The following DMD variants were observed in gnomAD, a reference collection of about 807,000 sequenced individuals.
The protein encoded by DMD is dystrophin, also known as mutant dystrophin.
Under a neutral mutation model 330.1 loss-of-function variants are expected in DMD, and 63 were observed. That is an observed-to-expected ratio of 0.19 (90% confidence interval 0.16 to 0.24). The LOEUF is 0.24. Ranked by LOEUF, DMD falls within the 10% of genes least tolerant of loss-of-function variation. The pLI, the probability that DMD is intolerant of heterozygous loss-of-function variation, is 1.00. For missense variants in DMD, 3,344 were observed against 2,684.1 expected, an observed-to-expected ratio of 1.25 and a Z score of -5.43; for synonymous variants, 1,223 against 959.8, an observed-to-expected ratio of 1.27 and a Z score of -5.07.
At chrX:31,740,610 T>C (rs1285712983) in intron 51 of DMD, among the ~76,000 whole-genome samples, 1 of 112,249 alleles carries the variant, frequency 8.9e-6, no homozygotes, top group Admixed American at 9.4e-5. Flanking sequence ...AATAGCATTG[T>C]ATCTAAAAAA....
At chrX:33,175,426 C>A (rs1001690077) in intron 1 of DMD, among the ~76,000 whole-genome samples, 4 of 112,149 alleles carry the variant, frequency 3.6e-5, no homozygotes, top group Non-Finnish European at 7.5e-5. Context: ...TATATTATGC[C>A]CAAGGCACTT....
At chrX:31,593,097 GGGA>G (rs1369136584) in intron 55 of DMD, among the ~76,000 whole-genome samples, 2 of 111,042 alleles carry the variant, frequency 1.8e-5, no homozygotes, top group Non-Finnish European at 3.8e-5. Context: ...GAAGTTATAA[GGGA>G]TCATATTTCT....
At chrX:31,772,136 G>A (rs1051240103) in intron 51 of DMD, among the ~76,000 whole-genome samples, 1 of 112,288 alleles carries the variant, frequency 8.9e-6, no homozygotes, top group Non-Finnish European at 1.9e-5. Context: ...AGAGTTCGTG[G>A]TGGAACCAAA....
At chrX:31,438,016 G>A (rs2064665719) in intron 60 of DMD, among the ~76,000 whole-genome samples, 2 of 110,318 alleles carry the variant, frequency 1.8e-5, no homozygotes, top group African/African-American at 6.6e-5. Flanking sequence ...TAGACCATGT[G>A]ATTTGAAATA....
rs375059694 is a variant in DMD, at chrX:31,483,040, CTTTTTTTTTT to C, written c.8548-3947_8548-3938del. The stretch of plus-strand genomic sequence containing the variant: ...AGGTCTGTAAAATAAGGAAATGGAT[CTTTTTTTTTT>C]TTTTTTTTTTTTTTGAGATGGAGTC... On this transcript the variant is annotated intron_variant, in intron 57 of 78. Coordinates refer to ENST00000357033, the MANE Select transcript of DMD (RefSeq NM_004006.3). 4.2e-5 allele frequency among the ~76,000 whole-genome samples: 3 copies of C among 70,764 alleles called. No individual in the cohort carries two copies. In the South Asian group the frequency reaches 2.4e-3, roughly 57 times the overall value. 61.5% of individuals were successfully genotyped at this position (70,764 alleles called of 115,157 possible). A position where few individuals can be genotyped will look rare whatever the true frequency, so the allele number is the denominator to read the frequency against.
chrX:32,202,572 G>A (rs545616041), intron 44 of DMD, among the ~76,000 whole-genome samples: 12 of 111,754 alleles, frequency 1.1e-4, no homozygotes, highest in African/African-American at 3.9e-4. Context: ...GGATGGTCTC[G>A]ATTTCTTGAC....
At chrX:31,148,482 C>T (rs752205445) in intron 74 of DMD, among the ~76,000 whole-genome samples, 1 of 112,258 alleles carries the variant, frequency 8.9e-6, no homozygotes, top group East Asian at 2.8e-4. Context: ...TCCAACTTTT[C>T]ACTATTATAA....
At chrX:31,890,274 C>T (rs905980000) in intron 47 of DMD, among the ~76,000 whole-genome samples, 2 of 103,703 alleles carry the variant, frequency 1.9e-5, no homozygotes, top group Non-Finnish European at 3.9e-5. Flanking sequence ...TTTGGGAGGC[C>T]GAGGAAGGAG....
At chrX:32,722,406 A>G (rs1384052135) in intron 7 of DMD, among the ~76,000 whole-genome samples, 1 of 110,739 alleles carries the variant, frequency 9.0e-6, no homozygotes, top group Non-Finnish European at 1.9e-5. Flanking sequence ...TTTAAAGTAT[A>G]TAGGGGGGTG....
intron 62 of DMD, among the ~76,000 whole-genome samples, chrX:31,270,985 G>A (rs1337587889): frequency 9.0e-6 from 1 of 111,657 alleles, no homozygotes; most frequent in Non-Finnish European, 1.9e-5. Context: ...GCCGCCCTTT[G>A]GAATCACTCA....
intron 51 of DMD, among the ~76,000 whole-genome samples, chrX:31,748,978 C>G (rs2088120623): frequency 1.8e-5 from 2 of 111,230 alleles, no homozygotes; most frequent in African/African-American, 6.5e-5. Context: ...TTATAGTCAT[C>G]ATTTAATCCC....
chrX:31,293,203 T>TTGTGTGTG (rs2053867207), intron 62 of DMD, among the ~76,000 whole-genome samples: 1 of 45,883 alleles, frequency 2.2e-5, no homozygotes, highest in African/African-American at 1.5e-4. Context: ...TAGTCTGGTT[T>TTGTGTGTG]AGTGTGTGTG....
intron 44 of DMD, among the ~76,000 whole-genome samples, chrX:32,202,690 C>T (rs2097046569): frequency 8.9e-6 from 1 of 112,069 alleles, no homozygotes; most frequent in Non-Finnish European, 1.9e-5. Flanking sequence ...ACAACACCTT[C>T]AGATGGATGC....
At chrX:32,296,340 G>A (rs1334296277) in intron 42 of DMD, among the ~76,000 whole-genome samples, 3 of 111,188 alleles carry the variant, frequency 2.7e-5, no homozygotes, top group South Asian at 3.9e-4. Flanking sequence ...GCAGTGAGCC[G>A]AGACTGTGCC....
intron 64 of DMD, among the ~76,000 whole-genome samples, chrX:31,221,782 G>A (rs781309761): frequency 5.3e-5 from 6 of 112,870 alleles, no homozygotes; most frequent in East Asian, 2.8e-4. Flanking sequence ...TGGGCCGGGC[G>A]CATTGGCTCA....
rs1255750369 is a variant in DMD, at chrX:31,371,057, GCCAATA to G, written c.9085-22429_9085-22424del. 4.4e-3 allele frequency among the ~76,000 whole-genome samples: 492 copies of G among 111,550 alleles called. 3 individuals are homozygous for G. The highest frequency in any genetic ancestry group is 7.2e-3 in the Non-Finnish European group (380 of 53,076). On this transcript the variant is annotated intron_variant, in intron 60 of 78. Coordinates refer to ENST00000357033, the MANE Select transcript of DMD (RefSeq NM_004006.3). ...AGGGAAGTGGGTGTGGCTATAAAAG[GCCAATA>G]GGAGGGATCTTTGTAGTGATGAAAA...
In DMD at chrX:31,658,055, A is replaced by G. The variant is rs374433647; in HGVS notation, c.7962T>C (p.Asp2654=). The G allele has an allele frequency of 4.1e-6, 5 of 1,211,011 alleles. No individual in the cohort carries two copies. In the East Asian group the frequency reaches 1.5e-4, roughly 36 times the overall value. ...TTATCATGTGGACTTTTCTGGTATC[A>G]TCTGCAGAATAATCCCGGAGAAGTT... is the stretch of plus-strand genomic sequence containing the variant. ...ALKLLRDYSA[D]DTRKVHMITE... The change falls in exon 54 of 79, where the codon GAT becomes GAC. Residue 2654 remains aspartate, a synonymous_variant. Coordinates refer to ENST00000357033, the MANE Select transcript of DMD (RefSeq NM_004006.3).
At chrX:31,203,031 G>A (rs1047904353) in intron 67 of DMD, among the ~76,000 whole-genome samples, 6 of 111,010 alleles carry the variant, frequency 5.4e-5, no homozygotes, top group African/African-American at 1.3e-4. Flanking sequence ...CCTGTAATCC[G>A]AGCACTTTGG....
intron 1 of DMD, among the ~76,000 whole-genome samples, chrX:33,080,884 A>C (rs953239351): frequency 9.0e-6 from 1 of 111,201 alleles, no homozygotes; most frequent in Non-Finnish European, 1.9e-5. Context: ...GTGAACAAAA[A>C]GTCATCAAAG....
Sources: allele counts gnomAD v4.1 joint callset (sites outside exome capture counted in the v4.1 genomes callset), GRCh38; gene constraint gnomAD v4.1.1; transcripts MANE v1.5; gene names NCBI Gene and HGNC (gene_info 2026-07-23, HGNC 2026-07-21).